Variants in TTLL6 observed in about 807,000 individuals in gnomAD.
The protein encoded by TTLL6 is tubulin tyrosine ligase like 6.
In TTLL6, 75 loss-of-function variants were observed where a neutral mutation model predicts 96.4. That is an observed-to-expected ratio of 0.78 (90% CI 0.65 to 0.94). The LOEUF (loss-of-function observed/expected upper bound fraction) is 0.94, where lower values mean the gene tolerates loss of function less well. Among genes scored for constraint, TTLL6 ranks in the 40% least tolerant of loss-of-function variants. The pLI is 0.00. For synonymous variants in TTLL6, 411 were observed against 419.4 expected (o/e 0.98, Z 0.24); for missense variants, 1,030 against 1,093.0 (o/e 0.94, Z 0.81).
intron 15 of TTLL6, among the ~76,000 whole-genome samples, chr17:48,767,799 C>T (rs1245115398): frequency 5.3e-5 from 8 of 152,132 alleles, no homozygotes; most frequent in Non-Finnish European, 1.0e-4. Flanking sequence ...GCCTTTTGCA[C>T]GGTGGAACCA....
chr17:48,808,823 G>A (rs1053054066), intron 1 of TTLL6, among the ~76,000 whole-genome samples: 7 of 152,094 alleles, frequency 4.6e-5, no homozygotes, highest in South Asian at 4.2e-4. Flanking sequence ...TGCCCGCCTC[G>A]GCCTCCCAAA....
chr17:48,769,978 C>G lies in TTLL6; in HGVS notation c.2160G>C (p.Arg720Ser). Residue 720 changes from arginine to serine, a missense_variant, in exon 14 of 16, where the codon AGG (arginine) becomes AGC (serine). Physicochemically the swap from Arg to Ser is moderately radical, Grantham distance 110. Transcript: ENST00000393382. ...SSEYSGPETD[R>S]VVSFKCKKQQ... ...GCTTCTTGCATTTAAAGGATACCAC[C>G]CTGTCCGTCTCTGGGCCACTGTACT... The G allele has an allele frequency of 1.2e-6, 2 of 1,614,078 alleles. No homozygotes were observed. The highest frequency in any genetic ancestry group is 1.7e-6 in the Non-Finnish European group (2 of 1,180,034).
intron 1 of TTLL6, 52 bp from the exon 2 acceptor site, chr17:48,805,043 A>AC (rs1001940729): frequency 1.4e-6 from 2 of 1,410,770 alleles, no homozygotes; most frequent in African/African-American, 1.4e-5. Flanking sequence ...CTGCAGGGGG[A>AC]CCCCCTCCCT....
chr17:48,807,240 A>G (rs72831873), intron 1 of TTLL6, among the ~76,000 whole-genome samples: 22,547 of 150,754 alleles, frequency 0.15, 1,916 homozygotes, highest in African/African-American at 0.22. Context: ...ACAGGCATAC[A>G]CCACCACACC....
At chr17:48,807,549 T>C (rs1178375586) in intron 1 of TTLL6, among the ~76,000 whole-genome samples, 2 of 152,212 alleles carry the variant, frequency 1.3e-5, no homozygotes, top group African/African-American at 4.8e-5. Context: ...TCTTGCTTTG[T>C]CGCCCAGGCT....
chr17:48,797,350 A>T (rs2039335435), intron 6 of TTLL6, 146 bp from the exon 7 acceptor site: 1 of 855,696 alleles, frequency 1.2e-6, no homozygotes, highest in Admixed American at 2.9e-5. Flanking sequence ...AGAGAGAGGA[A>T]CAAGGAGACT....
At chr17:48,782,105 C>CTTTTTTTTTTTT (rs34486928) in intron 13 of TTLL6, among the ~76,000 whole-genome samples, 2 of 122,592 alleles carry the variant, frequency 1.6e-5, no homozygotes, top group Non-Finnish European at 3.4e-5. Flanking sequence ...TTTTTCTTTT[C>CTTTTTTTTTTTT]TTTTTTTTTT....
In TTLL6 at chr17:48,787,949, G is replaced by A. The variant is rs148711039; in HGVS notation, c.1451C>T (p.Thr484Met). The change falls in exon 11 of 16, where the codon ACG (threonine) becomes ATG (methionine). Residue 484 changes from threonine (T) to methionine (M), a missense_variant. By Grantham distance (81) the Thr-to-Met change is moderately conservative. Coordinates refer to ENST00000393382, the MANE Select transcript of TTLL6 (RefSeq NM_001130918.3). ...CCCTCCACAGTTTTCCTTCTCATAC[G>A]TTTCAGTTTTCTTTAACTGCACGGC... ...FRAVQLKKTE[T>M]YEKENCGGFR... 3.0e-5 allele frequency: 49 copies of A among 1,613,942 alleles called. No homozygotes were observed. Among genetic ancestry groups the A allele is most frequent in the Non-Finnish European group, 3.8e-5 (45 of 1,180,028 alleles).
chr17:48,798,112 A>C (rs2039351011), intron 6 of TTLL6, among the ~76,000 whole-genome samples: 1 of 151,842 alleles, frequency 6.6e-6, no homozygotes, highest in Non-Finnish European at 1.5e-5. Context: ...TGTCTCAAAA[A>C]AAATAAATAG....
intron 2 of TTLL6, 22 bp from the exon 3 acceptor site, chr17:48,803,950 A>G (rs1472162118): frequency 1.3e-6 from 2 of 1,551,402 alleles, no homozygotes; most frequent in Non-Finnish European, 1.7e-6. Flanking sequence ...GAGAAAAAGG[A>G]AAGCAGCAAG....
intron 1 of TTLL6, among the ~76,000 whole-genome samples, chr17:48,811,068 CTTTT>C (rs35618180): frequency 9.0e-6 from 1 of 110,538 alleles, no homozygotes; most frequent in Non-Finnish European, 1.8e-5. Context: ...TATTATTTTT[CTTTT>C]TTTTTTTTTT....
chr17:48,804,807 G>C lies in TTLL6; in HGVS notation c.288C>G (p.Ala96=). The change falls in exon 2 of 16, where the codon GCC becomes GCG. Residue 96 remains alanine (A), a synonymous_variant. Coordinates refer to ENST00000393382, the MANE Select transcript of TTLL6 (RefSeq NM_001130918.3). ...TCCTCTTCTTCTTGCCTTGCTGCTG[G>C]GCATTCTGAAGTCCGTTTTGTGCCC... ...NPGAQNGLQN[A]QQQGKKKRKK... is the part of the protein sequence containing the mutation. The C allele has an allele frequency of 6.4e-7, 1 of 1,552,178 alleles. No individual in the cohort carries two copies. The highest frequency in any genetic ancestry group is 8.7e-7 in the Non-Finnish European group (1 of 1,147,118).
At chr17:48,776,204 T>C (rs1006230868) in intron 13 of TTLL6, among the ~76,000 whole-genome samples, 11 of 152,188 alleles carry the variant, frequency 7.2e-5, no homozygotes, top group African/African-American at 1.4e-4. Flanking sequence ...CAGTAGCTCA[T>C]GCCTGTAATA....
At chr17:48,803,653 C>G (rs2039461852) in intron 3 of TTLL6, among the ~76,000 whole-genome samples, 1 of 152,222 alleles carries the variant, frequency 6.6e-6, no homozygotes, top group Admixed American at 6.5e-5. Context: ...ATCCCCAAAT[C>G]ACTATATATA....
At chr17:48,774,092 A>C (rs28762499) in intron 13 of TTLL6, among the ~76,000 whole-genome samples, 37,205 of 79,620 alleles carry the variant, frequency 0.47, 6,942 homozygotes, top group Non-Finnish European at 0.57. Context: ...CAAAAAAAAC[A>C]AAACAAAAAA....
intron 8 of TTLL6, among the ~76,000 whole-genome samples, chr17:48,795,542 C>T (rs772302773): frequency 6.6e-6 from 1 of 152,014 alleles, no homozygotes; most frequent in African/African-American, 2.4e-5. Context: ...AAAAGCCTCT[C>T]GTGAAGATAC....
intron 13 of TTLL6, among the ~76,000 whole-genome samples, chr17:48,777,850 G>A (rs1449186373): frequency 1.3e-5 from 2 of 152,164 alleles, no homozygotes. Context: ...GGCAGAGGTT[G>A]CAGTGAGCCG....
chr17:48,797,564 A>C (rs1335796027), intron 6 of TTLL6, among the ~76,000 whole-genome samples: 1 of 152,132 alleles, frequency 6.6e-6, no homozygotes, highest in African/African-American at 2.4e-5. Context: ...AGGCGGATGG[A>C]TGATCTGAGG....
chr17:48,780,215 G>A (rs1323286987), intron 13 of TTLL6, among the ~76,000 whole-genome samples: 7 of 151,946 alleles, frequency 4.6e-5, no homozygotes, highest in Admixed American at 2.0e-4. Context: ...GTGCAATCTC[G>A]GCTCACTGCA....
Sources: allele counts gnomAD v4.1 joint callset (sites outside exome capture counted in the v4.1 genomes callset), GRCh38; gene constraint gnomAD v4.1.1; transcripts MANE v1.5; gene names NCBI Gene and HGNC (gene_info 2026-07-23, HGNC 2026-07-21).